The following STK38 variants were observed in gnomAD, a reference collection of about 807,000 sequenced individuals.
STK38 encodes serine/threonine-protein kinase 38.
In STK38, 26 loss-of-function variants were observed where a neutral mutation model predicts 59.0. The observed-to-expected ratio is 0.44, with a 90% CI of 0.32 to 0.61. STK38 has a LOEUF of 0.61. Among genes scored for constraint, STK38 ranks in the 20% least tolerant of loss-of-function variants. The pLI is 0.04. For missense variants in STK38, 433 were observed against 566.0 expected (o/e 0.76, Z 2.38); for synonymous variants, 175 against 176.6 (o/e 0.99, Z 0.07).
chr6:36,543,841 C>T (rs1245765900), intron 1 of STK38, among the ~76,000 whole-genome samples: 1 of 152,048 alleles, frequency 6.6e-6, no homozygotes, highest in Non-Finnish European at 1.5e-5. Context: ...ACTATGTTGG[C>T]CAGGCTAGTC....
At position 36,521,832 on chromosome 6, in the gene STK38, A is replaced by G; in HGVS notation, c.307-15T>C. On this transcript the variant is annotated splice_polypyrimidine_tract_variant and intron_variant, in intron 4 of 13. Coordinates refer to ENST00000229812, the MANE Select transcript of STK38 (RefSeq NM_007271.4). ...ACAAGCCGTACCTAAAAAGTTATAA[A>G]AGAAATGCCAAGTCAAAAACTCGTA... is the stretch of plus-strand genomic sequence containing the variant. 2.5e-6 allele frequency: 4 copies of G among 1,602,918 alleles called. No homozygotes were observed. Among genetic ancestry groups the G allele is most frequent in the Non-Finnish European group, 2.6e-6 (3 of 1,175,584 alleles).
At chr6:36,505,079 A>C (rs1331685260) in intron 9 of STK38, among the ~76,000 whole-genome samples, 1 of 152,156 alleles carries the variant, frequency 6.6e-6, no homozygotes, top group African/African-American at 2.4e-5. Flanking sequence ...TTCACTGCAC[A>C]GTAGAATCAC....
intron 9 of STK38, among the ~76,000 whole-genome samples, chr6:36,503,440 G>A (rs1306810355): frequency 1.3e-5 from 2 of 151,446 alleles, no homozygotes; most frequent in African/African-American, 4.9e-5. Context: ...GTGTGTGTGT[G>A]TGTGTGTGTT....
chr6:36,536,756 G>C lies in STK38; in HGVS notation c.131+3316C>G, dbSNP rs557881009. Among the ~76,000 whole-genome samples, 297 of 151,792 alleles carry C rather than the reference G, an allele frequency of 2.0e-3. 3 individuals are homozygous for C. Among genetic ancestry groups the C allele is most frequent in the Non-Finnish European group, 1.9e-3 (132 of 67,974 alleles). On this transcript the variant is annotated intron_variant, in intron 2 of 13. Coordinates refer to ENST00000229812, the MANE Select transcript of STK38 (RefSeq NM_007271.4). ...TCTCCATGTTGGTCGGGCTGGTCTC[G>C]AACTCCTGACCTCAGGTGATCCGCC... is the stretch of plus-strand genomic sequence containing the variant.
intron 1 of STK38, among the ~76,000 whole-genome samples, chr6:36,546,447 G>T (rs375570288): frequency 1.4e-4 from 21 of 152,308 alleles, no homozygotes; most frequent in South Asian, 1.0e-3. Context: ...GAGGCAGGGT[G>T]AGCTCAAAGG....
At chr6:36,538,651 T>C (rs891302805) in intron 2 of STK38, among the ~76,000 whole-genome samples, 4 of 152,206 alleles carry the variant, frequency 2.6e-5, no homozygotes, top group African/African-American at 9.6e-5. Flanking sequence ...CTCACGCCTA[T>C]AACCCCAGCA....
intron 2 of STK38, among the ~76,000 whole-genome samples, chr6:36,534,535 C>T (rs1777740713): frequency 6.6e-6 from 1 of 151,912 alleles, no homozygotes; most frequent in Admixed American, 6.6e-5. Context: ...TACCTATATT[C>T]CCAGCTACTC....
chr6:36,502,744 C>G (rs1189075218), intron 9 of STK38, among the ~76,000 whole-genome samples: 1 of 152,208 alleles, frequency 6.6e-6, no homozygotes, highest in Non-Finnish European at 1.5e-5. Flanking sequence ...TCTCCTGCTT[C>G]TCTTAACCAC....
intron 7 of STK38, among the ~76,000 whole-genome samples, chr6:36,512,995 T>G (rs1055776491): frequency 6.6e-6 from 1 of 151,866 alleles, no homozygotes; most frequent in African/African-American, 2.4e-5. Flanking sequence ...GTCTGTAATG[T>G]TCAAATTTTC....
chr6:36,541,749 A>C (rs1476001078), intron 1 of STK38, among the ~76,000 whole-genome samples: 1 of 152,154 alleles, frequency 6.6e-6, no homozygotes, highest in African/African-American at 2.4e-5. Flanking sequence ...CATATCATCA[A>C]AATGTTATTA....
At chr6:36,535,080 T>C (rs901279955) in intron 2 of STK38, among the ~76,000 whole-genome samples, 2 of 151,920 alleles carry the variant, frequency 1.3e-5, no homozygotes, top group Non-Finnish European at 2.9e-5. Flanking sequence ...ATATTAGAAA[T>C]AGATTAACAA....
chr6:36,542,159 T>C (rs1193669802), intron 1 of STK38, among the ~76,000 whole-genome samples: 1 of 152,150 alleles, frequency 6.6e-6, no homozygotes, highest in Non-Finnish European at 1.5e-5. Flanking sequence ...TTTTCTTCCA[T>C]AAGCATATAC....
In STK38 at chr6:36,521,758, T is replaced by C. The variant is rs771642836; in HGVS notation, c.366A>G (p.Lys122=). ...CCTGCTCTTTTTCAAGCATATCTGC[T>C]TTACGGAGTATTTTCATTGCATACA... ...GHVYAMKILR[K]ADMLEKEQVG... is the part of the protein sequence containing the mutation. Residue 122 remains lysine, a synonymous_variant, in exon 5 of 14, where the codon AAA becomes AAG. Transcript: ENST00000229812. The C allele has an allele frequency of 6.2e-7, 1 of 1,612,000 alleles. No individual in the cohort carries two copies. Among genetic ancestry groups the C allele is most frequent in the Non-Finnish European group, 8.5e-7 (1 of 1,179,576 alleles).
chr6:36,522,003 C>A (rs1405247843), intron 4 of STK38, among the ~76,000 whole-genome samples, 186 bp from the exon 5 acceptor site: 13 of 152,140 alleles, frequency 8.5e-5, no homozygotes, highest in Non-Finnish European at 2.9e-5. Flanking sequence ...ACAGTAAAGT[C>A]GATGCTGGAA....
At chr6:36,516,618 G>A (rs868343340) in intron 6 of STK38, among the ~76,000 whole-genome samples, 19 of 152,208 alleles carry the variant, frequency 1.2e-4, no homozygotes, top group South Asian at 2.1e-4. Context: ...ACTCCTGGCA[G>A]CCCTTCAATC....
chr6:36,521,595 A>C (rs1777376538), intron 5 of STK38, 139 bp downstream of exon 5: 1 of 439,236 alleles, frequency 2.3e-6, no homozygotes, highest in East Asian at 3.9e-5. Flanking sequence ...AGGGGGAAAA[A>C]GGTAGTATTA....
intron 2 of STK38, among the ~76,000 whole-genome samples, chr6:36,531,141 C>G (rs1777657999): frequency 6.6e-6 from 1 of 152,214 alleles, no homozygotes; most frequent in South Asian, 2.1e-4. Flanking sequence ...GACACTGGAT[C>G]ACTAATAATA....
intron 4 of STK38, among the ~76,000 whole-genome samples, chr6:36,522,669 C>T (rs1347594098): frequency 6.6e-6 from 1 of 151,796 alleles, no homozygotes; most frequent in African/African-American, 2.4e-5. Context: ...ACCAGCCTGG[C>T]CAACCTGGTG....
In STK38 at chr6:36,497,954, T is replaced by C. The variant is rs544432535; in HGVS notation, c.1077-79A>G. 2.3e-4 allele frequency: 241 copies of C among 1,030,448 alleles called. No homozygotes were observed. In the South Asian group the frequency reaches 3.6e-3, roughly 15 times the overall value. The allele number at this position is 1,030,448 out of a possible 1,614,324, so 63.8% of individuals were successfully genotyped here. On this transcript the variant is annotated intron_variant, in intron 11 of 13. Transcript: ENST00000229812. ...AAAAACTTTCTTTTTTTTTTTTTTT[T>C]TTTGAGACAGCATCTCACTCTGTCA...
Sources: allele counts gnomAD v4.1 joint callset (sites outside exome capture counted in the v4.1 genomes callset), GRCh38; gene constraint gnomAD v4.1.1; transcripts MANE v1.5; gene names NCBI Gene and HGNC (gene_info 2026-07-23, HGNC 2026-07-21).